RAD17: variants seen among roughly 807,000 people sequenced by gnomAD.
RAD17 encodes the protein cell cycle checkpoint protein RAD17.
A neutral mutation model predicts 81.5 loss-of-function variants in RAD17; 31 were observed. The ratio of observed to expected loss-of-function variants is 0.38; its 90% CI spans 0.29 to 0.51. RAD17 has a LOEUF of 0.51. Ranked by LOEUF, RAD17 falls within the 20% of genes least tolerant of loss-of-function variation. The pLI is 0.88. For missense variants in RAD17, 681 were observed against 781.2 expected (o/e 0.87, Z 1.53); for synonymous variants, 261 against 266.2 (o/e 0.98, Z 0.19).
chr5:69,410,661 C>A, intron 18 of RAD17, 111 bp downstream of exon 18: 1 of 973,864 alleles, frequency 1.0e-6, no homozygotes, highest in Non-Finnish European at 1.6e-6. Flanking sequence ...CATACTGTAC[C>A]TAGTAATTTA....
intron 18 of RAD17, among the ~76,000 whole-genome samples, chr5:69,412,332 C>T (rs1766063969): frequency 6.6e-6 from 1 of 152,010 alleles, no homozygotes; most frequent in African/African-American, 2.4e-5. Flanking sequence ...ATATTTAAAA[C>T]CATTGTTCAT....
intron 17 of RAD17, among the ~76,000 whole-genome samples, chr5:69,407,562 G>GTT (rs550222595): frequency 0.14 from 5,823 of 41,042 alleles, 2,144 homozygotes; most frequent in Non-Finnish European, 0.19. Flanking sequence ...CTATGTCCAA[G>GTT]TTTTTTTTTT....
intron 11 of RAD17, among the ~76,000 whole-genome samples, chr5:69,388,667 C>G (rs1244043472): frequency 6.6e-6 from 1 of 151,896 alleles, no homozygotes; most frequent in African/African-American, 2.4e-5. Context: ...AGTGCAGTGG[C>G]AAGATCATAG....
chr5:69,393,602 G>C (rs1178172602), intron 15 of RAD17, 102 bp downstream of exon 15: 1 of 1,099,234 alleles, frequency 9.1e-7, no homozygotes, highest in Non-Finnish European at 1.3e-6. Flanking sequence ...TATTTTATGT[G>C]ACTTTTCTTC....
chr5:69,369,831 G>A lies in RAD17; in HGVS notation c.-519G>A. 1.0e-6 allele frequency: 1 copy of A among 956,070 alleles called. No homozygotes were observed. 59.2% of individuals were successfully genotyped at this position (956,070 alleles called of 1,614,324 possible). ...CCCCGGGAGGCCGTACCTCCGAGAGGCTCGGCGTTGAGCCCGGGTAGGGCC... is the reference window on the plus strand; with the variant it reads ...CCCCGGGAGGCCGTACCTCCGAGAGACTCGGCGTTGAGCCCGGGTAGGGCC... On this transcript the variant is annotated 5_prime_UTR_variant, in exon 1 of 19. Transcript: ENST00000354868.
At chr5:69,381,247 A>G (rs997920625) in intron 6 of RAD17, among the ~76,000 whole-genome samples, 1 of 152,064 alleles carries the variant, frequency 6.6e-6, no homozygotes, top group Non-Finnish European at 1.5e-5. Context: ...TTGGGAGACC[A>G]TGGCGGGCAA....
At chr5:69,394,281 C>G (rs1366334148) in intron 15 of RAD17, among the ~76,000 whole-genome samples, 1 of 150,526 alleles carries the variant, frequency 6.6e-6, no homozygotes, top group Non-Finnish European at 1.5e-5. Flanking sequence ...ATGCTGGTCT[C>G]CAACTCCTGA....
At position 69,414,119 on chromosome 5, in the gene RAD17, G is replaced by A. The variant is rs766381372; in HGVS notation, c.1840G>A (p.Ala614Thr). Residue 614 changes from alanine (A) to threonine (T), a missense_variant, in exon 19 of 19, where the codon GCA becomes ACA. By Grantham distance (58) the Ala-to-Thr change is moderately conservative (BLOSUM62 0). Transcript: ENST00000354868. ...DEAQLNGGHS[A>T]EESLGEPTQA... The stretch of plus-strand genomic sequence containing the variant: ...AGCCCAGCTTAATGGAGGACATTCT[G>A]CAGAGGAATCTCTGGGTGAACCCAC... 1 of 1,614,234 alleles carries A rather than the reference G, an allele frequency of 6.2e-7. No homozygotes were observed. Among genetic ancestry groups the A allele is most frequent in the Non-Finnish European group, 8.5e-7 (1 of 1,180,052 alleles).
intron 5 of RAD17, among the ~76,000 whole-genome samples, 155 bp from the exon 6 acceptor site, chr5:69,374,473 A>G (rs1221475301): frequency 6.6e-6 from 1 of 152,202 alleles, no homozygotes; most frequent in African/African-American, 2.4e-5. Context: ...TAATAGTATA[A>G]AAATTCAAGT....
chr5:69,377,397 C>G (rs369289526), intron 6 of RAD17, among the ~76,000 whole-genome samples: 1 of 136,572 alleles, frequency 7.3e-6, no homozygotes, highest in East Asian at 2.1e-4. Flanking sequence ...TATTATTCTA[C>G]CAGTTGGATA....
chr5:69,393,543 C>T (rs1237797462), intron 15 of RAD17, 43 bp downstream of exon 15: 2 of 1,523,838 alleles, frequency 1.3e-6, no homozygotes, highest in Non-Finnish European at 1.8e-6. Flanking sequence ...ATAGTATTTC[C>T]TTAGAATTAA....
At chr5:69,369,557 AG>A, upstream of RAD17, 1 of 1,608,944 alleles carries the variant, frequency 6.2e-7, no homozygotes, top group East Asian at 2.2e-5. Flanking sequence ...AGGAGCCGGA[AG>A]GGGCGGGCGG....
chr5:69,385,265 T>TA (rs1764133391), intron 8 of RAD17, among the ~76,000 whole-genome samples: 3 of 127,302 alleles, frequency 2.4e-5, no homozygotes, highest in Non-Finnish European at 3.6e-5. Flanking sequence ...TGGCCTAAAA[T>TA]CTTTTTTTTT....
chr5:69,393,079 C>A, intron 13 of RAD17, 76 bp from the exon 14 acceptor site: 2 of 958,410 alleles, frequency 2.1e-6, no homozygotes. Flanking sequence ...CTAAAATTTT[C>A]AAACTCTTCA....
Position 69,371,965 on chromosome 5 carries a change from T to C in RAD17, c.-175-69T>C. On this transcript the variant is annotated intron_variant, in intron 3 of 18. Transcript: ENST00000354868. ...GCAGGGTAGCTATTTCCCTAAGTGG[T>C]AGCTCTAAATTTTCTTTGATGTTAA... 4 of 854,312 alleles carry C rather than the reference T, an allele frequency of 4.7e-6. No individual in the cohort carries two copies. The South Asian group carries it at 1.4e-4, about 30-fold the overall frequency. The allele number at this position is 854,312 out of a possible 1,614,324, so 52.9% of individuals were successfully genotyped here. A position where few individuals can be genotyped will look rare whatever the true frequency, so the allele number is the denominator to read the frequency against.
At chr5:69,371,217 ACAT>A (rs753842093) in intron 2 of RAD17, 46 bp downstream of exon 2, 6 of 528,370 alleles carry the variant, frequency 1.1e-5, no homozygotes, top group Admixed American at 9.9e-5. Context: ...TTTTTCTAAT[ACAT>A]CATTGAGTTC....
chr5:69,396,608 A>G, intron 16 of RAD17, 62 bp downstream of exon 16: 1 of 1,383,740 alleles, frequency 7.2e-7, no homozygotes, highest in Non-Finnish European at 9.5e-7. Context: ...CGTGAATTAT[A>G]ACTCAAAGCA....
intron 6 of RAD17, among the ~76,000 whole-genome samples, chr5:69,377,203 C>T (rs944270026): frequency 1.9e-4 from 29 of 151,830 alleles, no homozygotes; most frequent in African/African-American, 6.3e-4. Flanking sequence ...CTCTTGTCTC[C>T]GAATACAGAT....
chr5:69,386,447 G>T lies in RAD17; in HGVS notation c.876G>T (p.Val292=). ...TGATGAAATTTCTTAATCGAATAGT[G>T]ACTATAGAAGCTAACAAGGTAAGTC... The part of the protein sequence containing the change: ...TIMMKFLNRI[V]TIEANKNGGK... Residue 292 remains valine (V), a synonymous_variant, in exon 11 of 19, where the codon GTG becomes GTT. Coordinates refer to ENST00000354868, the MANE Select transcript of RAD17 (RefSeq NM_133338.3). 6.3e-7 allele frequency: 1 copy of T among 1,595,988 alleles called. No individual in the cohort carries two copies. Among genetic ancestry groups the T allele is most frequent in the Non-Finnish European group, 8.5e-7 (1 of 1,173,294 alleles).
Sources: allele counts gnomAD v4.1 joint callset (sites outside exome capture counted in the v4.1 genomes callset), GRCh38; gene constraint gnomAD v4.1.1; transcripts MANE v1.5; gene names NCBI Gene and HGNC (gene_info 2026-07-23, HGNC 2026-07-21).